Variants in SNX3 observed in about 807,000 individuals in gnomAD.
SNX3 encodes sorting nexin-3.
A neutral mutation model predicts 17.7 loss-of-function variants in SNX3; 5 were observed. The ratio of observed to expected loss-of-function variants is 0.28; its 90% CI spans 0.15 to 0.59. The LOEUF (loss-of-function observed/expected upper bound fraction) is 0.59, where lower values mean the gene tolerates loss of function less well. SNX3 is among the 20% of genes least tolerant of loss of function. The pLI is 0.88. For missense variants in SNX3, 132 were observed against 206.8 expected (o/e 0.64, Z 2.22); for synonymous variants, 91 against 76.5 (o/e 1.19, Z -0.99).
Position 108,260,932 on chromosome 6 carries a change from C to T in SNX3, c.-11G>A, listed in dbSNP as rs762793625. ...CACGGTCTCCGCCATTTCGCTGTAG[C>T]TGCTGCCGCCGCCGCGGGCTCCCTC... On this transcript the variant is annotated 5_prime_UTR_variant, in exon 1 of 4. Coordinates refer to ENST00000230085, the MANE Select transcript of SNX3 (RefSeq NM_003795.6). 2 of 1,559,324 alleles carry T rather than the reference C, an allele frequency of 1.3e-6. No individual in the cohort carries two copies. The highest frequency in any genetic ancestry group is 8.7e-7 in the Non-Finnish European group (1 of 1,154,190).
chr6:108,212,430 C>G (rs1582463373), intron 3 of SNX3, among the ~76,000 whole-genome samples, 176 bp from the exon 4 acceptor site: 2 of 152,054 alleles, frequency 1.3e-5, no homozygotes, highest in East Asian at 1.9e-4. Context: ...CCTCCGTCTC[C>G]TGGGTTCAAG....
intron 3 of SNX3, among the ~76,000 whole-genome samples, chr6:108,212,882 CTTTTTTTTT>C (rs776376957): frequency 5.9e-5 from 7 of 118,956 alleles, no homozygotes; most frequent in African/African-American, 1.2e-4. Context: ...TCCTAAGAAT[CTTTTTTTTT>C]TTTTTTTTTT....
intron 2 of SNX3, among the ~76,000 whole-genome samples, chr6:108,215,044 T>C (rs1774523579): frequency 2.6e-5 from 4 of 152,194 alleles, no homozygotes; most frequent in Admixed American, 2.0e-4. Flanking sequence ...CTCTGCAACA[T>C]GGTTAGGTAA....
chr6:108,214,880 A>G (rs1298567164), intron 2 of SNX3, among the ~76,000 whole-genome samples: 1 of 152,268 alleles, frequency 6.6e-6, no homozygotes, highest in East Asian at 1.9e-4. Flanking sequence ...ATCAAAGCCC[A>G]GGTATACAAA....
intron 1 of SNX3, among the ~76,000 whole-genome samples, chr6:108,225,522 T>A (rs1017217450): frequency 6.6e-6 from 1 of 151,810 alleles, no homozygotes; most frequent in Non-Finnish European, 1.5e-5. Context: ...TCCCAGCTAC[T>A]TGGGAGGCTG....
chr6:108,224,547 T>G (rs1774918964), intron 1 of SNX3, among the ~76,000 whole-genome samples: 1 of 152,210 alleles, frequency 6.6e-6, no homozygotes, highest in Admixed American at 6.5e-5. Context: ...CCCAAAGTGC[T>G]GGGATTACAG....
At chr6:108,235,931 C>T (rs552014669) in intron 1 of SNX3, among the ~76,000 whole-genome samples, 12 of 152,082 alleles carry the variant, frequency 7.9e-5, no homozygotes, top group Non-Finnish European at 1.6e-4. Flanking sequence ...TTCAACTCTT[C>T]GCTGTTTAGT....
At chr6:108,215,223 G>T (rs905826290) in intron 2 of SNX3, among the ~76,000 whole-genome samples, 1 of 152,022 alleles carries the variant, frequency 6.6e-6, no homozygotes, top group Admixed American at 6.6e-5. Flanking sequence ...GGTGGCGGGC[G>T]CCTGTAGGCC....
Position 108,212,010 on chromosome 6 carries a change from A to C in SNX3, c.*139T>G. 1.8e-6 allele frequency: 1 copy of C among 558,280 alleles called. No individual in the cohort carries two copies. Among genetic ancestry groups the C allele is most frequent in the African/African-American group, 2.0e-5 (1 of 51,178 alleles). 34.6% of individuals were successfully genotyped at this position (558,280 alleles called of 1,614,324 possible). A position where few individuals can be genotyped will look rare whatever the true frequency, so the allele number is the denominator to read the frequency against. On this transcript the variant is annotated 3_prime_UTR_variant, in exon 4 of 4. Coordinates refer to ENST00000230085, the MANE Select transcript of SNX3 (RefSeq NM_003795.6). ...TAACTTCTTGTCAACTGCCAAAACAAAACAAAACTGAGCATATGAGTGTTA... is the reference window on the plus strand; with the variant it reads ...TAACTTCTTGTCAACTGCCAAAACACAACAAAACTGAGCATATGAGTGTTA...
chr6:108,253,141 G>C (rs935932836), intron 1 of SNX3, among the ~76,000 whole-genome samples: 3 of 152,202 alleles, frequency 2.0e-5, no homozygotes, highest in Non-Finnish European at 2.9e-5. Flanking sequence ...GTGAGCAGGA[G>C]AGGAAAATGT....
At chr6:108,251,291 T>A (rs3800223) in intron 1 of SNX3, among the ~76,000 whole-genome samples, 50,951 of 152,040 alleles carry the variant, frequency 0.34, 10,614 homozygotes, top group East Asian at 0.62. Flanking sequence ...AAACTGAAAT[T>A]CCAGGCATTA....
intron 1 of SNX3, among the ~76,000 whole-genome samples, chr6:108,239,961 T>C (rs1460828728): frequency 6.6e-6 from 1 of 152,034 alleles, no homozygotes; most frequent in East Asian, 1.9e-4. Flanking sequence ...ATAATATGAA[T>C]AAGACCATTT....
intron 2 of SNX3, among the ~76,000 whole-genome samples, chr6:108,215,079 G>A (rs1459154477): frequency 6.6e-6 from 1 of 152,236 alleles, no homozygotes; most frequent in African/African-American, 2.4e-5. Context: ...GCCGGGCGTG[G>A]TGGCTCATGC....
intron 2 of SNX3, chr6:108,222,166 G>C: frequency 2.4e-6 from 3 of 1,248,132 alleles, no homozygotes; most frequent in Non-Finnish European, 3.1e-6. Flanking sequence ...TATTAAACTT[G>C]AGAAATGAGT....
chr6:108,238,067 A>C (rs1268988651), intron 1 of SNX3, among the ~76,000 whole-genome samples: 5 of 143,238 alleles, frequency 3.5e-5, no homozygotes, highest in African/African-American at 1.1e-4. Context: ...GCACCACTGC[A>C]CTCCAGCCTG....
At chr6:108,236,378 ATTTT>A (rs1184591793) in intron 1 of SNX3, among the ~76,000 whole-genome samples, 2 of 133,432 alleles carry the variant, frequency 1.5e-5, no homozygotes, top group African/African-American at 5.6e-5. Flanking sequence ...TATTATTATT[ATTTT>A]TTTTTTTTTT....
intron 1 of SNX3, among the ~76,000 whole-genome samples, chr6:108,246,402 G>GC (rs1219074676): frequency 1.6e-5 from 2 of 128,994 alleles, no homozygotes; most frequent in East Asian, 4.9e-4. Flanking sequence ...TCAGCTCACT[G>GC]CAACCTCTGC....
In SNX3 at chr6:108,212,936, A is replaced by G. The variant is rs141984115; in HGVS notation, c.384-682T>C. Among the ~76,000 whole-genome samples, 200 of 134,808 alleles carry G rather than the reference A, an allele frequency of 1.5e-3. 4 individuals are homozygous for G. The East Asian group carries it at 0.029, about 20-fold the overall frequency. 88.4% of individuals were successfully genotyped at this position (134,808 alleles called of 152,430 possible). ...AAAGTGTTGCTCTATCACCCAGGCT[A>G]GAGTGCAGTGGTGTGATCTTGGCTC... On this transcript the variant is annotated intron_variant, in intron 3 of 3. Transcript: ENST00000230085.
intron 1 of SNX3, among the ~76,000 whole-genome samples, chr6:108,253,908 G>C (rs563119177): frequency 1.3e-5 from 2 of 152,012 alleles, no homozygotes; most frequent in Non-Finnish European, 2.9e-5. Context: ...GGTGGATCAC[G>C]AGGTCAGGAG....
Sources: gnomAD v4.1 joint callset for allele counts (sites outside exome capture counted in the v4.1 genomes callset) on GRCh38, gnomAD v4.1.1 for gene constraint, MANE v1.5 for transcripts, NCBI Gene and HGNC (gene_info 2026-07-23, HGNC 2026-07-21) for gene names.